The following ACOT1 variants were observed in gnomAD, a reference collection of about 807,000 sequenced individuals.
The protein encoded by ACOT1 is acyl-coenzyme A thioesterase 1.
In ACOT1, 8 loss-of-function variants were observed where a neutral mutation model predicts 15.7. The observed-to-expected ratio is 0.51, with a 90% CI of 0.30 to 0.92. The LOEUF (loss-of-function observed/expected upper bound fraction) is 0.92, where lower values mean the gene tolerates loss of function less well. ACOT1 is among the 40% of genes least tolerant of loss of function. The probability of loss-of-function intolerance (pLI) is 0.06; values close to 1 mark genes in which losing one functional copy is unlikely to be tolerated. For synonymous variants in ACOT1, 67 were observed against 241.2 expected, an observed-to-expected ratio of 0.28 and a Z score of 6.69; for missense variants, 151 against 539.4, an observed-to-expected ratio of 0.28 and a Z score of 7.13.
Position 73,537,203 on chromosome 14 carries a change from T to G in ACOT1, c.-219T>G. 1 of 415,688 alleles carries G rather than the reference T, an allele frequency of 2.4e-6. No homozygotes were observed. Among genetic ancestry groups the G allele is most frequent in the Non-Finnish European group, 3.9e-6 (1 of 257,768 alleles). The allele number at this position is 415,688 out of a possible 1,614,324, so 25.7% of individuals were successfully genotyped here. On this transcript the variant is annotated 5_prime_UTR_variant, in exon 1 of 3. Coordinates refer to ENST00000311148, the MANE Select transcript of ACOT1 (RefSeq NM_001037161.2). ...TAGGAAGTTGCTTTCCAACATAAAG[T>G]GGAGGTTTCAACACAGGAGACTTTA...
chr14:73,508,185 C>G, the ACOT1 span: 1 of 1,614,038 alleles, frequency 6.2e-7, no homozygotes, highest in East Asian at 2.2e-5. Flanking sequence ...CCTCAGTGTC[C>G]TCATTCTTCT....
the ACOT1 span, chr14:73,491,518 G>T: frequency 1.3e-6 from 2 of 1,515,626 alleles, no homozygotes; most frequent in Non-Finnish European, 1.8e-6. Flanking sequence ...CTGCGACGGC[G>T]TCGGGGCCGC....
chr14:73,519,774 T>C, the ACOT1 span, among the ~76,000 whole-genome samples: 1 of 152,098 alleles, frequency 6.6e-6, no homozygotes, highest in Non-Finnish European at 1.5e-5. Flanking sequence ...TCCCAGCACT[T>C]TGGGAGGCTA....
the ACOT1 span, chr14:73,503,142 C>A: frequency 5.6e-6 from 4 of 711,962 alleles, no homozygotes; most frequent in South Asian, 6.7e-5. Flanking sequence ...GTGTTTTTTC[C>A]CATCGCTTAC....
the ACOT1 span, among the ~76,000 whole-genome samples, chr14:73,528,392 C>CAAAAAAAAAAAAAAAA: frequency 1.1e-5 from 1 of 88,518 alleles, no homozygotes; most frequent in Non-Finnish European, 2.0e-5. Flanking sequence ...AACTTCATCT[C>CAAAAAAAAAAAAAAAA]AAAAAAAAAA....
chr14:73,518,117 T>C, the ACOT1 span, among the ~76,000 whole-genome samples: 2 of 151,364 alleles, frequency 1.3e-5, no homozygotes, highest in Admixed American at 1.3e-4. Flanking sequence ...GGAAATCCTG[T>C]GGCTGTCCAC....
chr14:73,521,451 T>C, the ACOT1 span, among the ~76,000 whole-genome samples: 2 of 152,256 alleles, frequency 1.3e-5, no homozygotes, highest in African/African-American at 4.8e-5. Context: ...GTGGACAGGC[T>C]GTAAGCTCCT....
the ACOT1 span, chr14:73,512,203 T>G: frequency 1.3e-6 from 2 of 1,596,148 alleles, no homozygotes; most frequent in Non-Finnish European, 1.7e-6. Context: ...GGTTAGATAT[T>G]GTGCTGCAGG....
the ACOT1 span, chr14:73,523,263 G>T: frequency 3.6e-6 from 4 of 1,112,822 alleles, no homozygotes; most frequent in Non-Finnish European, 3.7e-6. Context: ...GAACTCTAGA[G>T]CAGCAGAAAT....
chr14:73,539,912 T>C (rs1295585892), intron 1 of ACOT1: 1 of 116,204 alleles, frequency 8.6e-6, no homozygotes, highest in Non-Finnish European at 1.9e-5. Context: ...TAAATTAGCA[T>C]TTACAATAGG....
At chr14:73,521,007 A>G in the ACOT1 span, 5 of 1,613,554 alleles carry the variant, frequency 3.1e-6, no homozygotes, top group Non-Finnish European at 4.2e-6. Context: ...CATGATCTCA[A>G]CTGTCTCTGC....
At chr14:73,509,854 A>ATATTT in the ACOT1 span, among the ~76,000 whole-genome samples, 1 of 58,578 alleles carries the variant, frequency 1.7e-5, no homozygotes, top group Non-Finnish European at 3.5e-5. Context: ...ATATATATAT[A>ATATTT]TATATATATA....
chr14:73,504,620 A>G, the ACOT1 span, among the ~76,000 whole-genome samples: 1 of 152,116 alleles, frequency 6.6e-6, no homozygotes, highest in Non-Finnish European at 1.5e-5. Context: ...GTGCTATAGC[A>G]CTTGAGACAG....
chr14:73,495,305 G>C, the ACOT1 span: 2 of 1,613,676 alleles, frequency 1.2e-6, no homozygotes, highest in Non-Finnish European at 1.7e-6. Flanking sequence ...AACACGTTTT[G>C]CTTCCTCCCT....
the ACOT1 span, among the ~76,000 whole-genome samples, chr14:73,518,546 C>T: frequency 3.9e-5 from 6 of 152,252 alleles, no homozygotes; most frequent in African/African-American, 1.4e-4. Flanking sequence ...GTTTCATAAG[C>T]TAATTTCTTG....
chr14:73,521,020 G>A, the ACOT1 span: 4 of 1,613,490 alleles, frequency 2.5e-6, no homozygotes, highest in East Asian at 6.7e-5. Flanking sequence ...GTCTCTGCTT[G>A]TTGGAAGTAA....
the ACOT1 span, among the ~76,000 whole-genome samples, chr14:73,528,166 G>A: frequency 6.6e-6 from 1 of 151,480 alleles, no homozygotes; most frequent in Non-Finnish European, 1.5e-5. Context: ...AGGCTGAGGT[G>A]GGCAGATCAC....
At chr14:73,525,311 G>T in the ACOT1 span, among the ~76,000 whole-genome samples, 1 of 152,150 alleles carries the variant, frequency 6.6e-6, no homozygotes, top group African/African-American at 2.4e-5. Context: ...GGGATTACAG[G>T]TGTGAGCTAC....
chr14:73,522,821 G>A, the ACOT1 span: 19 of 1,614,092 alleles, frequency 1.2e-5, no homozygotes, highest in Non-Finnish European at 1.6e-5. Flanking sequence ...CTGAGGCCGG[G>A]CCTTCCTGAT....
Sources: allele counts gnomAD v4.1 joint callset (sites outside exome capture counted in the v4.1 genomes callset), GRCh38; gene constraint gnomAD v4.1.1; transcripts MANE v1.5; gene names NCBI Gene and HGNC (gene_info 2026-07-23, HGNC 2026-07-21).